KIF26B: variants seen among roughly 807,000 people sequenced by gnomAD.
KIF26B encodes kinesin family member 26B.
Under a neutral mutation model 151.2 loss-of-function variants are expected in KIF26B, and 63 were observed. The observed-to-expected ratio is 0.42, with a 90% CI of 0.34 to 0.51. KIF26B has a LOEUF of 0.51. KIF26B is among the 20% of genes least tolerant of loss of function. KIF26B has a pLI of 0.07. For synonymous variants in KIF26B, 1,357 were observed against 1,262.1 expected, an observed-to-expected ratio of 1.08 and a Z score of -1.59; for missense variants, 2,813 against 2,913.6, an observed-to-expected ratio of 0.97 and a Z score of 0.79.
rs745524636 is a variant in KIF26B, at chr1:245,688,410, G to A, written c.5427G>A (p.Ser1809=). Residue 1809 remains serine (S), a synonymous_variant, in exon 12 of 15, where the codon TCG becomes TCA. Coordinates refer to ENST00000407071, the MANE Select transcript of KIF26B (RefSeq NM_018012.4). ...TGCGGGCCGTCAGCGGGCGCATCTC[G>A]GAGCTGCTGCAGGGTGGCGCGGGCG... The part of the protein sequence containing the change: ...LPLRAVSGRI[S]ELLQGGAGAR... 37 of 1,501,960 alleles carry A rather than the reference G, an allele frequency of 2.5e-5. No homozygotes were observed. Among genetic ancestry groups the A allele is most frequent in the East Asian group, 5.4e-5 (2 of 37,308 alleles). 93.0% of individuals were successfully genotyped at this position (1,501,960 alleles called of 1,614,324 possible). A position where few individuals can be genotyped will look rare whatever the true frequency, so the allele number is the denominator to read the frequency against.
At chr1:245,637,973 T>C (rs1160340059) in intron 9 of KIF26B, among the ~76,000 whole-genome samples, 1 of 151,986 alleles carries the variant, frequency 6.6e-6, no homozygotes, top group East Asian at 1.9e-4. Flanking sequence ...CAGTATTGAT[T>C]TATCTACTAC....
At chr1:245,357,384 A>G (rs1029223321) in intron 2 of KIF26B, among the ~76,000 whole-genome samples, 1 of 152,214 alleles carries the variant, frequency 6.6e-6, no homozygotes, top group South Asian at 2.1e-4. Context: ...AAGTAAGGAA[A>G]TGTTTGCTAA....
At chr1:245,649,146 C>G (rs540990745) in intron 10 of KIF26B, among the ~76,000 whole-genome samples, 1 of 152,272 alleles carries the variant, frequency 6.6e-6, no homozygotes, top group Non-Finnish European at 1.5e-5. Context: ...AGACCCTTGC[C>G]GAAATGTTTT....
chr1:245,479,381 C>T (rs1660112529), intron 4 of KIF26B, among the ~76,000 whole-genome samples: 1 of 151,882 alleles, frequency 6.6e-6, no homozygotes, highest in South Asian at 2.1e-4. Flanking sequence ...CAGGGTATAT[C>T]TACAGAAGCC....
At chr1:245,325,913 C>T (rs1274629009) in intron 2 of KIF26B, among the ~76,000 whole-genome samples, 2 of 152,110 alleles carry the variant, frequency 1.3e-5, no homozygotes, top group African/African-American at 4.8e-5. Context: ...CCTCCCACTA[C>T]TGCGTGTGAG....
chr1:245,700,773 G>A (rs1423320349), intron 14 of KIF26B, among the ~76,000 whole-genome samples: 1 of 152,216 alleles, frequency 6.6e-6, no homozygotes, highest in African/African-American at 2.4e-5. Context: ...CATCGAAGGC[G>A]CTAATGGGGA....
chr1:245,260,760 G>A (rs945965053), intron 2 of KIF26B, among the ~76,000 whole-genome samples: 3 of 152,128 alleles, frequency 2.0e-5, no homozygotes, highest in Admixed American at 2.0e-4. Context: ...GCCTGGATGG[G>A]GTGGGTGCTC....
At chr1:245,683,405 G>A (rs1010753851) in intron 10 of KIF26B, among the ~76,000 whole-genome samples, 1 of 152,160 alleles carries the variant, frequency 6.6e-6, no homozygotes, top group Non-Finnish European at 1.5e-5. Flanking sequence ...ATAAACAGAG[G>A]CCTTTAAAAG....
chr1:245,522,059 C>A (rs555289152), intron 4 of KIF26B, among the ~76,000 whole-genome samples: 4 of 152,088 alleles, frequency 2.6e-5, no homozygotes, highest in Admixed American at 1.3e-4. Context: ...TTAGTAGAGA[C>A]GGGGTTTCAC....
chr1:245,467,174 C>T (rs988800744), intron 4 of KIF26B, among the ~76,000 whole-genome samples: 3 of 152,084 alleles, frequency 2.0e-5, no homozygotes, highest in Non-Finnish European at 4.4e-5. Context: ...AGAACATCAA[C>T]GTTTTTGAAC....
intron 3 of KIF26B, among the ~76,000 whole-genome samples, chr1:245,399,621 A>C (rs946803302): frequency 7.2e-5 from 11 of 152,232 alleles, no homozygotes; most frequent in Admixed American, 7.2e-4. Flanking sequence ...ACATTTACTT[A>C]CAGCCCTTAT....
At chr1:245,378,260 A>G (rs1419476957) in intron 3 of KIF26B, among the ~76,000 whole-genome samples, 2 of 145,770 alleles carry the variant, frequency 1.4e-5, no homozygotes, top group African/African-American at 5.1e-5. Context: ...TGTGCCTTCA[A>G]GGGGAATTTC....
intron 4 of KIF26B, among the ~76,000 whole-genome samples, chr1:245,539,977 C>T (rs1317637917): frequency 6.6e-6 from 1 of 152,228 alleles, no homozygotes; most frequent in South Asian, 2.1e-4. Flanking sequence ...TTAAGTGTTA[C>T]AGGACACTTG....
At chr1:245,475,926 A>G (rs992289187) in intron 4 of KIF26B, among the ~76,000 whole-genome samples, 2 of 151,946 alleles carry the variant, frequency 1.3e-5, no homozygotes, top group Admixed American at 6.6e-5. Context: ...AAGAGAACTG[A>G]AAACATACAT....
In KIF26B at chr1:245,686,278, C is replaced by G. The variant is rs775204564; in HGVS notation, c.3295C>G (p.Pro1099Ala). 14 of 1,612,976 alleles carry G rather than the reference C, an allele frequency of 8.7e-6. No individual in the cohort carries two copies. In the South Asian group the frequency reaches 1.3e-4, roughly 15 times the overall value. The change falls in exon 12 of 15, where the codon CCG (proline) becomes GCG (alanine). Residue 1099 changes from proline (P) to alanine (A), a missense_variant. By Grantham distance (27) the Pro-to-Ala change is conservative. Transcript: ENST00000407071. The surrounding 1 kb of genome is among the most constrained non-coding windows in gnomAD (Gnocchi z 5.6). The stretch of plus-strand genomic sequence containing the variant: ...AGTCTACACCCAGAAGGGGGTCCTG[C>G]CGTCTCCCGCCCCACTGCCTCCCTC... Reference protein sequence around the residue: ...CKVYTQKGVLPSPAPLPPSSK... With the variant: ...CKVYTQKGVLASPAPLPPSSK...
At position 245,704,186 on chromosome 1, in the gene KIF26B, T is replaced by C. The variant is rs2044811094; in HGVS notation, c.*1580T>C. 1 of 152,278 alleles carries C rather than the reference T, an allele frequency of 6.6e-6. No individual in the cohort carries two copies. Among genetic ancestry groups the C allele is most frequent in the Admixed American group, 6.5e-5 (1 of 15,290 alleles). 9.4% of individuals were successfully genotyped at this position (152,278 alleles called of 1,614,324 possible). On this transcript the variant is annotated 3_prime_UTR_variant, in exon 15 of 15. Transcript: ENST00000407071. ...GCATCGAGGATGGTACTTAGGCGTG[T>C]GCAGAGCACGCTTCCCTTTTGCCCT...
intron 4 of KIF26B, among the ~76,000 whole-genome samples, chr1:245,525,490 T>C (rs1187746299): frequency 6.6e-6 from 1 of 152,248 alleles, no homozygotes; most frequent in Non-Finnish European, 1.5e-5. Context: ...ACAGATAAGA[T>C]GTCTGTGAAA....
At chr1:245,643,847 G>A (rs2043918319) in intron 9 of KIF26B, among the ~76,000 whole-genome samples, 1 of 152,170 alleles carries the variant, frequency 6.6e-6, no homozygotes, top group Admixed American at 6.5e-5. Context: ...TATTTCCAAT[G>A]AGAAATCTGC....
At chr1:245,498,122 C>T (rs1660548864) in intron 4 of KIF26B, among the ~76,000 whole-genome samples, 1 of 152,198 alleles carries the variant, frequency 6.6e-6, no homozygotes, top group African/African-American at 2.4e-5. Flanking sequence ...CATCTTGTTC[C>T]ATTTCCCTGC....
Sources: gnomAD v4.1 joint callset for allele counts (sites outside exome capture counted in the v4.1 genomes callset) on GRCh38, gnomAD v4.1.1 for gene constraint, Gnocchi (gnomAD v3.1) non-coding constraint, MANE v1.5 for transcripts, NCBI Gene and HGNC (gene_info 2026-07-23, HGNC 2026-07-21) for gene names.